The following CCDC102B variants were observed in gnomAD, a reference collection of about 807,000 sequenced individuals.
CCDC102B encodes coiled-coil domain-containing protein 102B.
In CCDC102B, 75 loss-of-function variants were observed where a neutral mutation model predicts 57.4. That is an observed-to-expected ratio of 1.31 (90% CI 1.08 to 1.58). CCDC102B has a LOEUF of 1.58. Among genes scored for constraint, CCDC102B ranks in the 40% most tolerant of loss-of-function variants. The pLI, the probability that CCDC102B is intolerant of heterozygous loss-of-function variation, is 0.00. For synonymous variants in CCDC102B, 206 were observed against 201.9 expected, an observed-to-expected ratio of 1.02 and a Z score of -0.17; for missense variants, 636 against 582.6, an observed-to-expected ratio of 1.09 and a Z score of -0.94.
chr18:68,943,150 C>G (rs907615815), intron 6 of CCDC102B, among the ~76,000 whole-genome samples: 1 of 150,764 alleles, frequency 6.6e-6, no homozygotes, highest in African/African-American at 2.4e-5. Context: ...AAGAATTTTT[C>G]TTAGTACAGA....
At chr18:68,813,083 T>C (rs950850839) in intron 1 of CCDC102B, among the ~76,000 whole-genome samples, 4 of 152,058 alleles carry the variant, frequency 2.6e-5, no homozygotes, top group East Asian at 1.9e-4. Flanking sequence ...TGGGAGATGA[T>C]TGAATCATGA....
At chr18:68,862,697 T>C (rs1488613230) in intron 4 of CCDC102B, among the ~76,000 whole-genome samples, 2 of 152,126 alleles carry the variant, frequency 1.3e-5, no homozygotes. Flanking sequence ...GACTAATAGA[T>C]CTTGCTCTTT....
chr18:68,876,423 A>G (rs181199405), intron 5 of CCDC102B, among the ~76,000 whole-genome samples: 199 of 152,314 alleles, frequency 1.3e-3, no homozygotes, highest in Non-Finnish European at 2.3e-3. Flanking sequence ...GAAATTTTAG[A>G]TGAAATACAA....
chr18:68,949,617 C>T (rs561978987), intron 6 of CCDC102B, among the ~76,000 whole-genome samples: 1 of 152,100 alleles, frequency 6.6e-6, no homozygotes, highest in African/African-American at 2.4e-5. Flanking sequence ...TTCTTTCTGC[C>T]TCTGCTATAA....
intron 6 of CCDC102B, among the ~76,000 whole-genome samples, chr18:68,961,892 T>C (rs2145230912): frequency 6.6e-6 from 1 of 152,266 alleles, no homozygotes; most frequent in East Asian, 1.9e-4. Flanking sequence ...ATTTATCCTC[T>C]GTGGGACTCT....
intron 6 of CCDC102B, among the ~76,000 whole-genome samples, chr18:69,005,632 T>A (rs983269921): frequency 1.3e-5 from 2 of 151,874 alleles, no homozygotes; most frequent in East Asian, 3.9e-4. Context: ...TCTTCAGTAG[T>A]TGATGTATCA....
rs1343308538 is a variant in CCDC102B, at chr18:68,956,494, TA to T, written c.1264-54436del. ...ATATTATATATATATAATATATATA[TA>T]AAATATATAATATATATATCGCATA... On this transcript the variant is annotated intron_variant, in intron 6 of 7. Transcript: ENST00000360242. Among the ~76,000 whole-genome samples, 91 of 58,696 alleles carry T rather than the reference TA, an allele frequency of 1.6e-3. 18 individuals are homozygous for T. Among genetic ancestry groups the T allele is most frequent in the African/African-American group, 5.7e-3 (44 of 7,778 alleles). 38.5% of individuals were successfully genotyped at this position (58,696 alleles called of 152,430 possible). A position where few individuals can be genotyped will look rare whatever the true frequency, so the allele number is the denominator to read the frequency against.
At chr18:68,730,828 C>T (rs2032826140) in intron 2 of CCDC102B, among the ~76,000 whole-genome samples, 1 of 152,132 alleles carries the variant, frequency 6.6e-6, no homozygotes, top group South Asian at 2.1e-4. Context: ...CTGTATTCCG[C>T]ATCCTGTATC....
At chr18:69,018,271 A>G (rs1428598784) in intron 7 of CCDC102B, among the ~76,000 whole-genome samples, 2 of 152,216 alleles carry the variant, frequency 1.3e-5, no homozygotes, top group Non-Finnish European at 2.9e-5. Context: ...ATATACATGC[A>G]CCTATATGTA....
chr18:68,733,508 T>TATATATATA (rs1568222920), intron 2 of CCDC102B, among the ~76,000 whole-genome samples: 2,151 of 90,366 alleles, frequency 0.024, 78 homozygotes, highest in African/African-American at 0.031. Flanking sequence ...ATATATATAT[T>TATATATATA]TTTTTAACTT....
intron 6 of CCDC102B, among the ~76,000 whole-genome samples, chr18:68,961,286 T>A (rs2050041595): frequency 6.6e-6 from 1 of 151,950 alleles, no homozygotes; most frequent in African/African-American, 2.4e-5. Context: ...CCTGAAAATA[T>A]GAAAAGTGAT....
At chr18:69,020,881 T>A (rs960614947) in intron 7 of CCDC102B, among the ~76,000 whole-genome samples, 4 of 152,216 alleles carry the variant, frequency 2.6e-5, no homozygotes, top group African/African-American at 9.6e-5. Context: ...GTAATACATC[T>A]TCTAGATTTG....
intron 6 of CCDC102B, among the ~76,000 whole-genome samples, chr18:68,956,509 A>T (rs2049887602): frequency 1.9e-5 from 1 of 52,186 alleles, no homozygotes; most frequent in Admixed American, 3.4e-4. Flanking sequence ...TATATAATAT[A>T]TATATCGCAT....
At chr18:68,997,858 T>C (rs1360752428) in intron 6 of CCDC102B, among the ~76,000 whole-genome samples, 2 of 124,604 alleles carry the variant, frequency 1.6e-5, no homozygotes, top group Non-Finnish European at 3.6e-5. Flanking sequence ...AATATGTGTT[T>C]TTTTTGGCAT....
At chr18:68,956,389 T>A (rs1210195773) in intron 6 of CCDC102B, among the ~76,000 whole-genome samples, 6 of 104,088 alleles carry the variant, frequency 5.8e-5, no homozygotes, top group South Asian at 4.7e-4. Context: ...TAATATATAA[T>A]ATATATATAA....
intron 7 of CCDC102B, among the ~76,000 whole-genome samples, chr18:69,017,263 T>A (rs1431405): frequency 0.99 from 150,555 of 152,164 alleles, 74,503 homozygotes; most frequent in Non-Finnish European, 1. Context: ...TTATAGGTGC[T>A]TGCCACCATG....
intron 6 of CCDC102B, among the ~76,000 whole-genome samples, chr18:68,954,372 A>T (rs954784105): frequency 2.6e-5 from 4 of 152,186 alleles, no homozygotes; most frequent in African/African-American, 7.2e-5. Context: ...GTGAGCCGAG[A>T]TCATGCCACT....
chr18:68,811,305 A>G (rs1191351637), intron 1 of CCDC102B, among the ~76,000 whole-genome samples: 2 of 152,172 alleles, frequency 1.3e-5, no homozygotes, highest in Non-Finnish European at 2.9e-5. Flanking sequence ...TTTGAAAGAA[A>G]CAGTTTCTTT....
At chr18:69,014,819 G>A (rs918223955) in intron 7 of CCDC102B, among the ~76,000 whole-genome samples, 3 of 151,922 alleles carry the variant, frequency 2.0e-5, no homozygotes, top group African/African-American at 7.3e-5. Context: ...TAGAACTATA[G>A]AGTCATTGAA....
Sources: gnomAD v4.1 joint callset for allele counts (sites outside exome capture counted in the v4.1 genomes callset) on GRCh38, gnomAD v4.1.1 for gene constraint, MANE v1.5 for transcripts, NCBI Gene and HGNC (gene_info 2026-07-23, HGNC 2026-07-21) for gene names.